EIF4G3: variants seen among roughly 807,000 people sequenced by gnomAD.
The protein encoded by EIF4G3 is eukaryotic translation initiation factor 4 gamma 3, also known as eIF-4-gamma 3.
EIF4G3 carries 34 observed loss-of-function variants against 186.4 expected under a neutral mutation model. The ratio of observed to expected loss-of-function variants is 0.18; its 90% CI spans 0.14 to 0.24. EIF4G3 has a LOEUF of 0.24. EIF4G3 is among the 10% of genes least tolerant of loss of function. The pLI is 1.00. For synonymous variants in EIF4G3, 673 were observed against 679.5 expected (o/e 0.99, Z 0.15); for missense variants, 1,536 against 1,948.5 (o/e 0.79, Z 3.99).
At chr1:21,176,598 CGCCGCCGCCGCCGGCAGCAGCA>C (rs1404282987) in intron 1 of EIF4G3, 102 bp downstream of exon 1, 1 of 179,414 alleles carries the variant, frequency 5.6e-6, no homozygotes, top group African/African-American at 2.4e-5. Flanking sequence ...CCGCCTCCGC[CGCCGCCGCCGCCGGCAGCAGCA>C]GCCGCCCCGC....
intron 19 of EIF4G3, among the ~76,000 whole-genome samples, chr1:20,881,804 GAAAATAAAAT>G (rs529082279): frequency 2.3e-4 from 34 of 150,036 alleles, no homozygotes; most frequent in African/African-American, 2.2e-4. Context: ...TAATAATAAT[GAAAATAAAAT>G]AAAATAAAAT....
intron 20 of EIF4G3, among the ~76,000 whole-genome samples, chr1:20,872,111 C>G (rs550323541): frequency 3.3e-5 from 5 of 151,242 alleles, no homozygotes; most frequent in Admixed American, 2.6e-4. Context: ...AAAAAAAAAT[C>G]TGTGTGTGTG....
chr1:20,894,922 T>C (rs1353947873), intron 17 of EIF4G3, among the ~76,000 whole-genome samples: 1 of 152,222 alleles, frequency 6.6e-6, no homozygotes. Flanking sequence ...AACTTTGAGA[T>C]ACATATTATT....
At chr1:20,823,638 G>A (rs2062928003) in intron 33 of EIF4G3, among the ~76,000 whole-genome samples, 1 of 152,066 alleles carries the variant, frequency 6.6e-6, no homozygotes, top group Admixed American at 6.6e-5. Flanking sequence ...GCCTCCCAAA[G>A]TGCTAGGATT....
At chr1:20,862,682 G>C (rs2076623691) in intron 22 of EIF4G3, among the ~76,000 whole-genome samples, 2 of 152,156 alleles carry the variant, frequency 1.3e-5, no homozygotes, top group African/African-American at 4.8e-5. Flanking sequence ...CAACGTGCTG[G>C]AATTTCAGGC....
intron 33 of EIF4G3, 121 bp downstream of exon 33, chr1:20,824,979 T>G (rs1462947421): frequency 5.2e-6 from 3 of 576,916 alleles, no homozygotes; most frequent in African/African-American, 3.8e-5. Context: ...AAAGGACATC[T>G]TTACCAAGAT....
intron 2 of EIF4G3, among the ~76,000 whole-genome samples, chr1:21,100,921 G>C (rs2096501879): frequency 6.6e-6 from 1 of 151,958 alleles, no homozygotes; most frequent in South Asian, 2.1e-4. Context: ...TTCACAAGAT[G>C]GAAACCACCC....
chr1:21,112,895 T>C (rs1421142776), intron 2 of EIF4G3, among the ~76,000 whole-genome samples: 2 of 152,028 alleles, frequency 1.3e-5, no homozygotes, highest in Non-Finnish European at 2.9e-5. Context: ...AATTTAAAAC[T>C]CTACCAAAAA....
intron 15 of EIF4G3, among the ~76,000 whole-genome samples, chr1:20,903,882 C>A (rs1362678561): frequency 1.3e-5 from 2 of 151,878 alleles, no homozygotes; most frequent in Non-Finnish European, 2.9e-5. Context: ...TCATGTTAAA[C>A]CTTGAGTAAA....
intron 36 of EIF4G3, among the ~76,000 whole-genome samples, chr1:20,809,109 G>A (rs1200076994): frequency 6.6e-6 from 1 of 152,092 alleles, no homozygotes; most frequent in Non-Finnish European, 1.5e-5. Flanking sequence ...AAGTAGCTGG[G>A]ATTACAGGCA....
chr1:20,932,624 G>A (rs925088156), intron 14 of EIF4G3, among the ~76,000 whole-genome samples: 3 of 152,064 alleles, frequency 2.0e-5, no homozygotes, highest in African/African-American at 7.2e-5. Flanking sequence ...AGAAGAGGGA[G>A]GGAGAGAGAT....
chr1:20,882,307 T>C (rs1365632009), intron 19 of EIF4G3, among the ~76,000 whole-genome samples: 3 of 151,546 alleles, frequency 2.0e-5, no homozygotes, highest in Non-Finnish European at 4.4e-5. Flanking sequence ...GGCCAGGAGT[T>C]TGGGCAACAC....
At chr1:21,149,466 C>G (rs1021824105) in intron 2 of EIF4G3, among the ~76,000 whole-genome samples, 13 of 152,238 alleles carry the variant, frequency 8.5e-5, no homozygotes, top group African/African-American at 3.1e-4. Context: ...GAATGAAGTA[C>G]TGTGTTACTG....
At chr1:20,995,449 T>C (rs1408648734) in intron 7 of EIF4G3, among the ~76,000 whole-genome samples, 1 of 152,100 alleles carries the variant, frequency 6.6e-6, no homozygotes. Context: ...CTTGGCTCAC[T>C]GCAAACTCTG....
At chr1:20,811,862 TAAAAAAGCAACA>T (rs2059311040) in intron 35 of EIF4G3, among the ~76,000 whole-genome samples, 1 of 36,678 alleles carries the variant, frequency 2.7e-5, no homozygotes, top group South Asian at 1.3e-3. Flanking sequence ...AAAAGCAACA[TAAAAAAGCAACA>T]TTAGAAAAGG....
At chr1:21,025,002 C>G (rs568988753) in intron 4 of EIF4G3, among the ~76,000 whole-genome samples, 1 of 151,946 alleles carries the variant, frequency 6.6e-6, no homozygotes, top group East Asian at 1.9e-4. Context: ...TTCCAGGGAG[C>G]CTCCAAAGGT....
At chr1:20,841,076 A>G in intron 29 of EIF4G3, 48 bp from the exon 30 acceptor site, 1 of 1,584,062 alleles carries the variant, frequency 6.3e-7, no homozygotes, top group Middle Eastern at 1.7e-4. Flanking sequence ...GAATAGTGTT[A>G]CCAGAATGTT....
intron 14 of EIF4G3, among the ~76,000 whole-genome samples, chr1:20,935,032 C>A (rs148158846): frequency 6.6e-6 from 1 of 152,172 alleles, no homozygotes; most frequent in African/African-American, 2.4e-5. Flanking sequence ...ATGACTGACA[C>A]GCAGTAGGCC....
intron 4 of EIF4G3, among the ~76,000 whole-genome samples, chr1:21,027,355 GCA>G (rs2092269963): frequency 6.6e-6 from 1 of 151,716 alleles, no homozygotes; most frequent in African/African-American, 2.4e-5. Context: ...ACCATGCTCA[GCA>G]CAGTGGCTCG....
Sources: gnomAD v4.1 joint callset for allele counts (sites outside exome capture counted in the v4.1 genomes callset) on GRCh38, gnomAD v4.1.1 for gene constraint, MANE v1.5 for transcripts, NCBI Gene and HGNC (gene_info 2026-07-23, HGNC 2026-07-21) for gene names.